Variants in TG observed in about 807,000 individuals in gnomAD.
The protein encoded by TG is thyroglobulin, also known as thyroid hormones.
Under a neutral mutation model 324.7 loss-of-function variants are expected in TG, and 270 were observed. The observed-to-expected ratio is 0.83, with a 90% CI of 0.75 to 0.92. TG has a LOEUF of 0.92. Among genes scored for constraint, TG ranks in the 40% least tolerant of loss-of-function variants. The pLI, the probability that TG is intolerant of heterozygous loss-of-function variation, is 0.00. For synonymous variants in TG, 1,401 were observed against 1,327.0 expected (o/e 1.06, Z -1.21); for missense variants, 3,591 against 3,456.4 (o/e 1.04, Z -0.98).
At position 133,023,541 on chromosome 8, in the gene TG, T is replaced by G. The variant is rs567422759; in HGVS notation, c.7036+1391T>G. Among the ~76,000 whole-genome samples, 4 of 152,328 alleles carry G rather than the reference T, an allele frequency of 2.6e-5. No homozygotes were observed. In the East Asian group the frequency reaches 5.8e-4, roughly 22 times the overall value. On this transcript the variant is annotated intron_variant, in intron 40 of 47. Coordinates refer to ENST00000220616, the MANE Select transcript of TG (RefSeq NM_003235.5). Reference sequence around the variant, plus strand: ...TCTTTGGAGAGTGTTTAAAGAATTATTCACGTGTGAGTTTATTTTCCTCTT... The same window carrying G: ...TCTTTGGAGAGTGTTTAAAGAATTAGTCACGTGTGAGTTTATTTTCCTCTT...
At chr8:133,118,892 C>T (rs1019008015) in intron 45 of TG, among the ~76,000 whole-genome samples, 2 of 151,944 alleles carry the variant, frequency 1.3e-5, no homozygotes, top group African/African-American at 2.4e-5. Flanking sequence ...CTGGATTATC[C>T]CGTGAGGGCC....
chr8:133,015,505 G>T (rs1350567906), intron 37 of TG, among the ~76,000 whole-genome samples: 2 of 152,192 alleles, frequency 1.3e-5, no homozygotes, highest in African/African-American at 2.4e-5. Flanking sequence ...TTTTCCCCGT[G>T]TTTGATCTCA....
At chr8:132,920,265 A>G (rs1820927622) in intron 21 of TG, among the ~76,000 whole-genome samples, 1 of 152,184 alleles carries the variant, frequency 6.6e-6, no homozygotes, top group Admixed American at 6.6e-5. Context: ...AGGACCCATA[A>G]CTTGCCTTGT....
intron 5 of TG, among the ~76,000 whole-genome samples, chr8:132,874,440 C>G (rs1379435695): frequency 6.6e-6 from 1 of 152,180 alleles, no homozygotes; most frequent in Non-Finnish European, 1.5e-5. Flanking sequence ...TTCACGCAGA[C>G]TTTAGATGTA....
rs752802019 is a variant in TG, at chr8:133,096,324, T to C, written c.7523T>C (p.Ile2508Thr). ...TTATGGGTAGAGGTCGATCTGCTCA[T>C]TGGGAGTTCTCAGGACGACGGGCTC... is the stretch of plus-strand genomic sequence containing the variant. ...RSLWVEVDLL[I>T]GSSQDDGLIN... Residue 2508 changes from isoleucine to threonine, a missense_variant, in exon 43 of 48, where the codon ATT becomes ACT. Transcript: ENST00000220616. The C allele has an allele frequency of 1.9e-5, 30 of 1,614,016 alleles. 1 individual carries two copies. The highest frequency in any genetic ancestry group is 4.2e-6 in the Non-Finnish European group (5 of 1,180,024).
chr8:132,908,281 C>T lies in TG; in HGVS notation c.3943C>T (p.Gln1315Ter). The change falls in exon 18 of 48, where the codon CAG becomes TAG. Residue 1315 changes from glutamine to a stop codon, truncating the protein, a stop_gained. Transcript: ENST00000220616. LOFTEE classifies it high-confidence loss of function. ...MCSADYADLLQTFQVFILDEL... is the reference protein window; with the variant it reads ...MCSADYADLL The stretch of plus-strand genomic sequence containing the variant: ...CAGTGCTGACTACGCGGATTTGCTG[C>T]AGACTTTCCAGGTTTTCATATTGGA... 1 of 1,613,668 alleles carries T rather than the reference C, an allele frequency of 6.2e-7. No individual in the cohort carries two copies.
chr8:133,106,506 C>G (rs141168926), intron 43 of TG: 19,935 of 977,526 alleles, frequency 0.02, 242 homozygotes, highest in Admixed American at 0.022. Context: ...GCCACCCAGC[C>G]CTCTGTTCTT....
rs1193377005 is a variant in TG, at chr8:132,878,620, A to AC, written c.639-3242dup. Among the ~76,000 whole-genome samples the AC allele has an allele frequency of 3.6e-3, 542 of 150,214 alleles. 7 individuals carry two copies. Among genetic ancestry groups the AC allele is most frequent in the African/African-American group, 0.012 (505 of 40,888 alleles). On this transcript the variant is annotated intron_variant, in intron 5 of 47. Coordinates refer to ENST00000220616, the MANE Select transcript of TG (RefSeq NM_003235.5). The stretch of plus-strand genomic sequence containing the variant: ...CGAGACTCTGTCTCAAAAAAAAAAA[A>AC]CAAAAAAAAAACAAAAAGTGTCTCC...
Position 132,972,358 on chromosome 8 carries a change from A to G in TG, c.6056-240A>G, listed in dbSNP as rs919793414. 5.2e-6 allele frequency: 3 copies of G among 575,394 alleles called. No homozygotes were observed. In the African/African-American group the frequency reaches 5.6e-5, roughly 11 times the overall value. 35.6% of individuals were successfully genotyped at this position (575,394 alleles called of 1,614,324 possible). On this transcript the variant is annotated intron_variant, in intron 33 of 47. Coordinates refer to ENST00000220616, the MANE Select transcript of TG (RefSeq NM_003235.5). The stretch of plus-strand genomic sequence containing the variant: ...AGTGATACCAACAGAGACCTAGCAC[A>G]GCCCTAAGCACATGTTAGGTGCTTG...
At chr8:132,945,061 A>G (rs1375911969) in intron 26 of TG, among the ~76,000 whole-genome samples, 1 of 152,224 alleles carries the variant, frequency 6.6e-6, no homozygotes, top group Non-Finnish European at 1.5e-5. Flanking sequence ...TTTTTATTCT[A>G]ATAACGACTG....
At chr8:133,102,322 G>A in intron 43 of TG, 1 of 483,322 alleles carries the variant, frequency 2.1e-6, no homozygotes, top group Non-Finnish European at 3.7e-6. Flanking sequence ...AACACATGCA[G>A]TGCAGCTTCC....
chr8:133,036,985 C>G (rs769580608), intron 41 of TG: 1 of 152,264 alleles, frequency 6.6e-6, no homozygotes, highest in African/African-American at 2.4e-5. Flanking sequence ...TTGAAATAGC[C>G]TTTTGGAACG....
In TG at chr8:132,879,529, T is replaced by C. The variant is rs188349873; in HGVS notation, c.639-2334T>C. On this transcript the variant is annotated intron_variant, in intron 5 of 47. Coordinates refer to ENST00000220616, the MANE Select transcript of TG (RefSeq NM_003235.5). Reference sequence around the variant, plus strand: ...ATATCACTTGTGATTATTTTATGAATAGTAATTAATAGCAACAATCATATT... The same window carrying C: ...ATATCACTTGTGATTATTTTATGAACAGTAATTAATAGCAACAATCATATT... 5.3e-5 allele frequency among the ~76,000 whole-genome samples: 8 copies of C among 152,358 alleles called. No individual in the cohort carries two copies. The East Asian group carries it at 1.5e-3, about 29-fold the overall frequency.
chr8:133,071,095 T>G (rs1843934484), intron 41 of TG, among the ~76,000 whole-genome samples: 1 of 152,232 alleles, frequency 6.6e-6, no homozygotes, highest in Non-Finnish European at 1.5e-5. Flanking sequence ...GAGGCCTCCC[T>G]GTGTCCACCT....
chr8:132,972,841 A>G, intron 34 of TG, 100 bp downstream of exon 34: 2 of 1,467,028 alleles, frequency 1.4e-6, no homozygotes, highest in South Asian at 2.3e-5. Context: ...TAGATTAATG[A>G]AGACTCATTG....
At chr8:132,906,186 G>A (rs995108075) in intron 16 of TG, among the ~76,000 whole-genome samples, 5 of 152,204 alleles carry the variant, frequency 3.3e-5, no homozygotes, top group African/African-American at 4.8e-5. Context: ...GGAGGTGGCA[G>A]TAGGGACGAA....
intron 43 of TG, among the ~76,000 whole-genome samples, chr8:133,108,157 T>A (rs1340099437): frequency 6.6e-6 from 1 of 151,660 alleles, no homozygotes; most frequent in Admixed American, 6.6e-5. Flanking sequence ...ATTTTTTTTT[T>A]TCGTATTTTT....
At chr8:133,121,187 C>A (rs1851114807) in intron 45 of TG, among the ~76,000 whole-genome samples, 1 of 152,154 alleles carries the variant, frequency 6.6e-6, no homozygotes, top group Non-Finnish European at 1.5e-5. Context: ...GATAGATGGT[C>A]AGGAATGAGT....
intron 35 of TG, among the ~76,000 whole-genome samples, chr8:132,996,465 A>G (rs916182364): frequency 6.6e-6 from 1 of 152,204 alleles, no homozygotes; most frequent in East Asian, 1.9e-4. Context: ...AAAAAATAGT[A>G]CTATTGCTGC....
Sources: allele counts gnomAD v4.1 joint callset (sites outside exome capture counted in the v4.1 genomes callset), GRCh38; gene constraint gnomAD v4.1.1; transcripts MANE v1.5; gene names NCBI Gene and HGNC (gene_info 2026-07-23, HGNC 2026-07-21).